Variants in CACNA2D3 observed in about 807,000 individuals in gnomAD.
CACNA2D3 encodes voltage-dependent calcium channel subunit alpha-2/delta-3.
Under a neutral mutation model 160.6 loss-of-function variants are expected in CACNA2D3, and 60 were observed. The observed-to-expected ratio is 0.37, with a 90% CI of 0.30 to 0.46. The LOEUF is 0.46. Among genes scored for constraint, CACNA2D3 ranks in the 20% least tolerant of loss-of-function variants. The probability of loss-of-function intolerance (pLI) is 1.00; values close to 1 mark genes in which losing one functional copy is unlikely to be tolerated. For missense variants in CACNA2D3, 1,205 were observed against 1,365.0 expected, an observed-to-expected ratio of 0.88 and a Z score of 1.85; for synonymous variants, 558 against 492.9, an observed-to-expected ratio of 1.13 and a Z score of -1.75.
At chr3:54,843,443 A>G (rs1559602059) in intron 16 of CACNA2D3, among the ~76,000 whole-genome samples, 1 of 152,188 alleles carries the variant, frequency 6.6e-6, no homozygotes, top group Non-Finnish European at 1.5e-5. Flanking sequence ...CACTGTGACA[A>G]TAAAGGTCTG....
At chr3:54,400,203 A>G (rs1699426899) in intron 4 of CACNA2D3, among the ~76,000 whole-genome samples, 1 of 147,030 alleles carries the variant, frequency 6.8e-6, no homozygotes, top group African/African-American at 2.5e-5. Flanking sequence ...ACTGTCTGGC[A>G]CTCCCTAGTG....
chr3:55,039,831 A>G (rs1703919463), intron 35 of CACNA2D3, among the ~76,000 whole-genome samples: 1 of 152,198 alleles, frequency 6.6e-6, no homozygotes. Context: ...CCTAGGAAAT[A>G]TATTTTTGTT....
chr3:54,767,289 G>T (rs1388858261), intron 13 of CACNA2D3, among the ~76,000 whole-genome samples: 1 of 152,086 alleles, frequency 6.6e-6, no homozygotes, highest in Non-Finnish European at 1.5e-5. Context: ...GAATATAGTA[G>T]TACACACAAT....
intron 11 of CACNA2D3, among the ~76,000 whole-genome samples, chr3:54,735,218 A>C (rs1044354081): frequency 6.6e-6 from 1 of 152,182 alleles, no homozygotes; most frequent in Non-Finnish European, 1.5e-5. Context: ...TTCCCCTAGC[A>C]CTTTTGGGGT....
intron 2 of CACNA2D3, among the ~76,000 whole-genome samples, chr3:54,318,081 C>T (rs1236289630): frequency 6.6e-6 from 1 of 152,178 alleles, no homozygotes. Flanking sequence ...TTCCATCTTC[C>T]TTGCATTGTA....
intron 2 of CACNA2D3, among the ~76,000 whole-genome samples, chr3:54,187,509 A>G (rs1048053870): frequency 2.0e-5 from 3 of 152,124 alleles, no homozygotes; most frequent in Non-Finnish European, 4.4e-5. Context: ...AATGGGATCT[A>G]TGAAGCACTG....
intron 4 of CACNA2D3, among the ~76,000 whole-genome samples, chr3:54,467,564 T>G (rs536283687): frequency 6.6e-6 from 1 of 152,292 alleles, no homozygotes; most frequent in South Asian, 2.1e-4. Flanking sequence ...GGAGATAATA[T>G]CTGTCATTTA....
chr3:54,367,816 T>G, intron 3 of CACNA2D3, among the ~76,000 whole-genome samples: 1 of 152,210 alleles, frequency 6.6e-6, no homozygotes, highest in East Asian at 1.9e-4. Flanking sequence ...TTAACACTCG[T>G]TTGCTCTTTC....
intron 11 of CACNA2D3, among the ~76,000 whole-genome samples, chr3:54,685,081 G>A (rs998402138): frequency 1.3e-5 from 2 of 152,134 alleles, no homozygotes; most frequent in East Asian, 1.9e-4. Context: ...GGAAAATGAC[G>A]AGGCTCCAGA....
At chr3:54,575,383 T>C (rs940398845) in intron 8 of CACNA2D3, among the ~76,000 whole-genome samples, 2 of 152,126 alleles carry the variant, frequency 1.3e-5, no homozygotes, top group African/African-American at 4.8e-5. Context: ...TTGAAGGGGG[T>C]AGAGATTCTT....
chr3:54,767,108 A>C (rs116471097), intron 13 of CACNA2D3, among the ~76,000 whole-genome samples: 4 of 151,858 alleles, frequency 2.6e-5, no homozygotes, highest in Non-Finnish European at 4.4e-5. Flanking sequence ...CACAACTCTG[A>C]GTATACCTTT....
intron 2 of CACNA2D3, among the ~76,000 whole-genome samples, chr3:54,276,226 T>C (rs1352436606): frequency 1.3e-5 from 2 of 151,882 alleles, no homozygotes; most frequent in Non-Finnish European, 2.9e-5. Context: ...GGGTTCACAC[T>C]GGAAAGATGA....
At chr3:54,529,649 G>C (rs1001810110) in intron 5 of CACNA2D3, among the ~76,000 whole-genome samples, 1 of 152,134 alleles carries the variant, frequency 6.6e-6, no homozygotes, top group South Asian at 2.1e-4. Context: ...TGGACTGCTC[G>C]GAGGCTGGCC....
chr3:54,670,694 A>G (rs1256819499), intron 11 of CACNA2D3, among the ~76,000 whole-genome samples: 1 of 152,196 alleles, frequency 6.6e-6, no homozygotes, highest in Non-Finnish European at 1.5e-5. Flanking sequence ...TTCCTGTGAT[A>G]GGTCTTGGTC....
intron 2 of CACNA2D3, among the ~76,000 whole-genome samples, chr3:54,137,889 C>A (rs907211458): frequency 6.6e-6 from 1 of 152,076 alleles, no homozygotes; most frequent in African/African-American, 2.4e-5. Context: ...TAAATGTTAC[C>A]GGGGTAAATT....
intron 4 of CACNA2D3, among the ~76,000 whole-genome samples, chr3:54,467,417 T>G (rs1700648526): frequency 6.6e-6 from 1 of 152,164 alleles, no homozygotes; most frequent in African/African-American, 2.4e-5. Flanking sequence ...GCTCAGGGAT[T>G]GCCAAGTAAC....
At chr3:54,209,948 G>A (rs1377665777) in intron 2 of CACNA2D3, among the ~76,000 whole-genome samples, 1 of 152,188 alleles carries the variant, frequency 6.6e-6, no homozygotes, top group African/African-American at 2.4e-5. Context: ...GGATGTTTGA[G>A]AATGGATTTG....
intron 35 of CACNA2D3, among the ~76,000 whole-genome samples, chr3:55,073,221 G>T (rs980343243): frequency 2.6e-5 from 4 of 152,142 alleles, no homozygotes; most frequent in African/African-American, 9.7e-5. Context: ...AAGGTGAGTT[G>T]TATGAGCCGC....
chr3:54,888,759 C>T (rs1436266138), intron 24 of CACNA2D3, among the ~76,000 whole-genome samples: 2 of 151,642 alleles, frequency 1.3e-5, no homozygotes, highest in East Asian at 3.9e-4. Context: ...AGTTCATTCC[C>T]TCATTGTATC....
Sources: gnomAD v4.1 joint callset for allele counts (sites outside exome capture counted in the v4.1 genomes callset) on GRCh38, gnomAD v4.1.1 for gene constraint, MANE v1.5 for transcripts, NCBI Gene and HGNC (gene_info 2026-07-23, HGNC 2026-07-21) for gene names.